The following VAV3 variants were observed in gnomAD, a reference collection of about 807,000 sequenced individuals.
The protein encoded by VAV3 is vav guanine nucleotide exchange factor 3.
Under a neutral mutation model 131.2 loss-of-function variants are expected in VAV3, and 94 were observed. The ratio of observed to expected loss-of-function variants is 0.72; its 90% CI spans 0.61 to 0.85. The LOEUF (loss-of-function observed/expected upper bound fraction) is 0.85, where lower values mean the gene tolerates loss of function less well. VAV3 is among the 40% of genes least tolerant of loss of function. The probability of loss-of-function intolerance (pLI) is 0.00; values close to 1 mark genes in which losing one functional copy is unlikely to be tolerated. For missense variants in VAV3, 939 were observed against 1,002.7 expected (o/e 0.94, Z 0.86); for synonymous variants, 349 against 342.0 (o/e 1.02, Z -0.22).
At chr1:107,953,728 T>C (rs1175971798) in intron 1 of VAV3, among the ~76,000 whole-genome samples, 4 of 152,074 alleles carry the variant, frequency 2.6e-5, no homozygotes, top group Admixed American at 6.6e-5. Flanking sequence ...GCTGCCCCCA[T>C]GCTCCCAGGA....
chr1:107,818,861 A>G (rs1434150917), intron 2 of VAV3, among the ~76,000 whole-genome samples: 1 of 152,190 alleles, frequency 6.6e-6, no homozygotes, highest in Non-Finnish European at 1.5e-5. Context: ...ATCATTTAGC[A>G]AATTTAAAAA....
chr1:107,831,818 C>T (rs186515330), intron 2 of VAV3, among the ~76,000 whole-genome samples: 2 of 152,272 alleles, frequency 1.3e-5, no homozygotes, highest in East Asian at 3.9e-4. Context: ...GACATATTCT[C>T]ATGTAACCAT....
At chr1:107,689,529 T>C (rs544002278) in intron 17 of VAV3, among the ~76,000 whole-genome samples, 3 of 152,160 alleles carry the variant, frequency 2.0e-5, no homozygotes, top group African/African-American at 7.2e-5. Flanking sequence ...TTCTTTTTTT[T>C]CTTTTTTTAA....
intron 15 of VAV3, among the ~76,000 whole-genome samples, chr1:107,731,732 G>C (rs139424396): frequency 2.8e-4 from 43 of 152,304 alleles, no homozygotes; most frequent in Middle Eastern, 6.8e-3. Context: ...TCCAAGCACA[G>C]CATATACTTG....
In VAV3 at chr1:107,704,652, T is replaced by C; in HGVS notation, c.1605-2A>G. The C allele has an allele frequency of 6.2e-7, 1 of 1,608,610 alleles. No individual in the cohort carries two copies. The highest frequency in any genetic ancestry group is 8.5e-7 in the Non-Finnish European group (1 of 1,176,090). On this transcript the variant is annotated splice_acceptor_variant, in intron 16 of 26. Transcript: ENST00000370056. LOFTEE classifies it high-confidence loss of function. ...AAATAGCCTTGATAAAATGTTCCCC[T>C]GAAAGGTGAAATAAGAAAGTGGTAT...
intron 15 of VAV3, among the ~76,000 whole-genome samples, chr1:107,719,649 G>T (rs2101912863): frequency 6.6e-6 from 1 of 152,282 alleles, no homozygotes; most frequent in East Asian, 1.9e-4. Flanking sequence ...AAGACAGTGT[G>T]GCAATTCCTC....
rs148899085 is a variant in VAV3 at position 107,795,416 on chromosome 1, T to A, written c.322-15924A>T. ...AGAAAGAACCAGGGTAGATCTACCT[T>A]ATATTGGCTTCTGTGCAATGGTATT... is the stretch of plus-strand genomic sequence containing the variant. On this transcript the variant is annotated intron_variant, in intron 2 of 26. Coordinates refer to ENST00000370056, the MANE Select transcript of VAV3 (RefSeq NM_006113.5). Among the ~76,000 whole-genome samples the A allele has an allele frequency of 3.1e-3, 470 of 152,030 alleles. 5 individuals carry two copies. Among genetic ancestry groups the A allele is most frequent in the African/African-American group, 0.011 (445 of 41,436 alleles).
chr1:107,934,157 T>C (rs1306643044), intron 1 of VAV3, among the ~76,000 whole-genome samples: 2 of 152,228 alleles, frequency 1.3e-5, no homozygotes, highest in African/African-American at 4.8e-5. Flanking sequence ...TTATAAGAAC[T>C]CTATGGTTTA....
At chr1:107,814,924 T>C (rs1667500699) in intron 2 of VAV3, among the ~76,000 whole-genome samples, 1 of 152,148 alleles carries the variant, frequency 6.6e-6, no homozygotes, top group Non-Finnish European at 1.5e-5. Flanking sequence ...AGAGAGGAAG[T>C]GGTATACCTG....
intron 19 of VAV3, among the ~76,000 whole-genome samples, chr1:107,678,745 C>T (rs993232390): frequency 7.3e-5 from 11 of 151,714 alleles, no homozygotes; most frequent in African/African-American, 2.7e-4. Flanking sequence ...TAAATGAAAA[C>T]ATTTATATGT....
intron 4 of VAV3, among the ~76,000 whole-genome samples, chr1:107,773,426 G>A (rs1665161077): frequency 2.0e-5 from 3 of 152,206 alleles, no homozygotes; most frequent in Non-Finnish European, 2.9e-5. Context: ...AGTTACTGCA[G>A]TGTTATAATC....
chr1:107,574,907 T>C (rs1649501609), intron 25 of VAV3, among the ~76,000 whole-genome samples: 1 of 152,174 alleles, frequency 6.6e-6, no homozygotes, highest in African/African-American at 2.4e-5. Context: ...CTGATGTATC[T>C]AATCAAAAAT....
At chr1:107,668,977 G>T in intron 19 of VAV3, 1 of 994,958 alleles carries the variant, frequency 1.0e-6, no homozygotes, top group Non-Finnish European at 1.2e-6. Context: ...ATACGGGTGT[G>T]GGGTTCAGGA....
chr1:107,772,645 AT>A, intron 5 of VAV3, 89 bp downstream of exon 5: 6 of 1,126,852 alleles, frequency 5.3e-6, no homozygotes, highest in Non-Finnish European at 6.3e-6. Flanking sequence ...GTTAAAAAAA[AT>A]CCCAGCAGAT....
intron 25 of VAV3, among the ~76,000 whole-genome samples, chr1:107,588,610 C>T (rs946514464): frequency 2.0e-5 from 3 of 152,154 alleles, no homozygotes; most frequent in African/African-American, 7.2e-5. Context: ...GACAGTGTTG[C>T]ATGATGAAAT....
chr1:107,662,488 A>T (rs568698503), intron 19 of VAV3, among the ~76,000 whole-genome samples: 1 of 152,288 alleles, frequency 6.6e-6, no homozygotes, highest in South Asian at 2.1e-4. Flanking sequence ...CACACAGTGC[A>T]TTTCCAGAGC....
chr1:107,760,922 C>G (rs1664375022), intron 9 of VAV3, 43 bp from the exon 10 acceptor site: 1 of 1,458,876 alleles, frequency 6.9e-7, no homozygotes, highest in Non-Finnish European at 9.6e-7. Flanking sequence ...GAGTCATAAA[C>G]ATTAAAAGAT....
chr1:107,718,656 C>A lies in VAV3; in HGVS notation c.1503-13595G>T, dbSNP rs186718626. Among the ~76,000 whole-genome samples, 1,119 of 152,252 alleles carry A rather than the reference C, an allele frequency of 7.3e-3. 10 individuals are homozygous for A. The highest frequency in any genetic ancestry group is 0.024 in the African/African-American group (1,012 of 41,548). On this transcript the variant is annotated intron_variant, in intron 15 of 26. Transcript: ENST00000370056. ...CCCAAGGTAATTTATAGATTCAATG[C>A]CATCCCCATCCAGCTACCAATGACT...
intron 1 of VAV3, among the ~76,000 whole-genome samples, chr1:107,883,471 C>T (rs540762332): frequency 1.5e-3 from 224 of 152,202 alleles, no homozygotes; most frequent in African/African-American, 5.3e-3. Flanking sequence ...TTAAATGCAA[C>T]GATTCCTTAG....
Sources: allele counts gnomAD v4.1 joint callset (sites outside exome capture counted in the v4.1 genomes callset), GRCh38; gene constraint gnomAD v4.1.1; transcripts MANE v1.5; gene names NCBI Gene and HGNC (gene_info 2026-07-23, HGNC 2026-07-21).